The following ZNF423 variants were observed in gnomAD, a reference collection of about 807,000 sequenced individuals.
ZNF423 encodes the protein Ebf-associated zinc finger protein.
Under a neutral mutation model 95.8 loss-of-function variants are expected in ZNF423, and 12 were observed. The ratio of observed to expected loss-of-function variants is 0.13; its 90% CI spans 0.08 to 0.20. The LOEUF (loss-of-function observed/expected upper bound fraction) is 0.20. ZNF423 is among the 10% of genes least tolerant of loss of function. The pLI is 1.00. For synonymous variants in ZNF423, 749 were observed against 711.9 expected, an observed-to-expected ratio of 1.05 and a Z score of -0.83; for missense variants, 1,316 against 1,737.1, an observed-to-expected ratio of 0.76 and a Z score of 4.31.
At chr16:49,771,192 C>CTTTTTTTTTTTTTTTTTTT (rs71380376) in intron 2 of ZNF423, among the ~76,000 whole-genome samples, 2 of 89,480 alleles carry the variant, frequency 2.2e-5, no homozygotes, top group Non-Finnish European at 4.1e-5. Context: ...TTTTTTTTTT[C>CTTTTTTTTTTTTTTTTTTT]TTTTTTTTTT....
chr16:49,703,066 G>T (rs184510066), intron 3 of ZNF423, among the ~76,000 whole-genome samples: 1 of 152,142 alleles, frequency 6.6e-6, no homozygotes, highest in South Asian at 2.1e-4. Flanking sequence ...CAACACAGGC[G>T]CGCAGGCATG....
At chr16:49,631,264 C>A (rs1237486054) in intron 4 of ZNF423, among the ~76,000 whole-genome samples, 1 of 152,184 alleles carries the variant, frequency 6.6e-6, no homozygotes, top group Non-Finnish European at 1.5e-5. Context: ...GTACCACACA[C>A]CCTCATGTAC....
chr16:49,825,957 T>C (rs1472429052), intron 1 of ZNF423, among the ~76,000 whole-genome samples: 3 of 152,180 alleles, frequency 2.0e-5, no homozygotes, highest in Admixed American at 2.0e-4. Flanking sequence ...ACGCCTATAA[T>C]CCCATTACTT....
At chr16:49,768,767 C>T (rs1225812715) in intron 2 of ZNF423, among the ~76,000 whole-genome samples, 1 of 107,242 alleles carries the variant, frequency 9.3e-6, no homozygotes, top group Non-Finnish European at 2.1e-5. Context: ...GTCCCAGCCA[C>T]ACACTCATGG....
chr16:49,858,250 C>T (rs1417680756), upstream of ZNF423, among the ~76,000 whole-genome samples: 1 of 149,602 alleles, frequency 6.7e-6, no homozygotes, highest in African/African-American at 2.4e-5. This position sits in a 1 kb window ranked among gnomAD's most constrained non-coding sequence, Gnocchi z 4.3. Flanking sequence ...CCGCGGCGCC[C>T]GCCCCACGCA....
At chr16:49,776,029 G>C (rs2034113732) in intron 2 of ZNF423, among the ~76,000 whole-genome samples, 1 of 152,200 alleles carries the variant, frequency 6.6e-6, no homozygotes, top group Non-Finnish European at 1.5e-5. Flanking sequence ...GGCTCTGTGG[G>C]GCAAGGGCTC....
chr16:49,502,488 C>T (rs1272812494), intron 7 of ZNF423, among the ~76,000 whole-genome samples: 2 of 151,518 alleles, frequency 1.3e-5, no homozygotes, highest in South Asian at 2.1e-4. Context: ...TAGAGCCACC[C>T]AGGAGGCTCA....
chr16:49,817,236 G>A (rs1414788693), intron 1 of ZNF423, among the ~76,000 whole-genome samples: 1 of 152,218 alleles, frequency 6.6e-6, no homozygotes, highest in African/African-American at 2.4e-5. Flanking sequence ...GCAGCGGAGA[G>A]GGGAGAGCAG....
intron 5 of ZNF423, among the ~76,000 whole-genome samples, chr16:49,608,144 C>T (rs2151840249): frequency 6.6e-6 from 1 of 152,346 alleles, no homozygotes; most frequent in Non-Finnish European, 1.5e-5. Context: ...CCACCCCAGC[C>T]TGTCTACCTC....
intron 5 of ZNF423, among the ~76,000 whole-genome samples, chr16:49,617,482 C>T (rs531321493): frequency 1.3e-5 from 2 of 152,202 alleles, no homozygotes; most frequent in Non-Finnish European, 2.9e-5. Flanking sequence ...GCCCATGTGA[C>T]ATGACAGCAA....
At chr16:49,783,146 G>A (rs4785350) in intron 2 of ZNF423, among the ~76,000 whole-genome samples, 12,660 of 152,010 alleles carry the variant, frequency 0.083, 638 homozygotes, top group East Asian at 0.23. Flanking sequence ...AGGGCTTGTG[G>A]GAAGAGGGAG....
At chr16:49,809,370 G>T (rs1358901015) in intron 1 of ZNF423, among the ~76,000 whole-genome samples, 1 of 152,198 alleles carries the variant, frequency 6.6e-6, no homozygotes, top group Non-Finnish European at 1.5e-5. Context: ...GGCTGCAGTG[G>T]TCCCATGCTC....
chr16:49,813,134 T>A (rs1353363019), intron 1 of ZNF423, among the ~76,000 whole-genome samples: 1 of 152,088 alleles, frequency 6.6e-6, no homozygotes, highest in East Asian at 1.9e-4. Context: ...CTGCTCTCTC[T>A]CAACTCCCAT....
chr16:49,662,526 G>C (rs1184265815), intron 3 of ZNF423, among the ~76,000 whole-genome samples: 1 of 152,218 alleles, frequency 6.6e-6, no homozygotes, highest in African/African-American at 2.4e-5. Context: ...TGCCAGCCCT[G>C]TTCGAGGCTC....
intron 5 of ZNF423, among the ~76,000 whole-genome samples, chr16:49,617,437 C>T (rs903483114): frequency 6.6e-6 from 1 of 152,218 alleles, no homozygotes; most frequent in African/African-American, 2.4e-5. Context: ...TCAAAGGATG[C>T]TCAACAAAGT....
chr16:49,596,386 C>T (rs912816889), intron 5 of ZNF423, among the ~76,000 whole-genome samples: 3 of 152,128 alleles, frequency 2.0e-5, no homozygotes, highest in African/African-American at 7.2e-5. Flanking sequence ...AACAACAGCC[C>T]GCAGCTTCCT....
intron 1 of ZNF423, among the ~76,000 whole-genome samples, chr16:49,793,847 C>T (rs911537501): frequency 1.3e-5 from 2 of 152,140 alleles, no homozygotes; most frequent in Non-Finnish European, 2.9e-5. Flanking sequence ...TGGCAGAGCC[C>T]GATTCACCAC....
At chr16:49,845,132 GTTTT>G (rs1203483011) in intron 1 of ZNF423, among the ~76,000 whole-genome samples, 1 of 151,158 alleles carries the variant, frequency 6.6e-6, no homozygotes, top group African/African-American at 2.4e-5. Context: ...GTTTTTTGGG[GTTTT>G]TTGTTTGTTT....
At chr16:49,518,415 C>G (rs1968243274) in intron 7 of ZNF423, 1 of 437,596 alleles carries the variant, frequency 2.3e-6, no homozygotes, top group Non-Finnish European at 4.5e-6. Context: ...AGAAAATTCA[C>G]TTTTTCTGTA....
Sources: gnomAD v4.1 joint callset for allele counts (sites outside exome capture counted in the v4.1 genomes callset) on GRCh38, gnomAD v4.1.1 for gene constraint, Gnocchi (gnomAD v3.1) non-coding constraint, MANE v1.5 for transcripts, NCBI Gene and HGNC (gene_info 2026-07-23, HGNC 2026-07-21) for gene names.